LRRTM4: variants seen among roughly 807,000 people sequenced by gnomAD.
LRRTM4 encodes the protein leucine rich repeat transmembrane neuronal 4.
In LRRTM4, 25 loss-of-function variants were observed where a neutral mutation model predicts 47.6. The observed-to-expected ratio is 0.53, with a 90% CI of 0.38 to 0.73. LRRTM4 has a LOEUF of 0.73. Ranked by LOEUF, LRRTM4 falls within the 30% of genes least tolerant of loss-of-function variation. LRRTM4 has a pLI of 0.00. For missense variants in LRRTM4, 638 were observed against 713.4 expected (o/e 0.89, Z 1.20); for synonymous variants, 311 against 269.5 (o/e 1.15, Z -1.51).
chr2:77,047,604 T>C (rs1357520808), intron 3 of LRRTM4, among the ~76,000 whole-genome samples: 2 of 152,048 alleles, frequency 1.3e-5, no homozygotes, highest in Admixed American at 1.3e-4. Context: ...TGTGTGTGTT[T>C]CTGCTCCTAA....
chr2:76,776,607 T>G (rs1674008437), intron 3 of LRRTM4, among the ~76,000 whole-genome samples: 1 of 152,086 alleles, frequency 6.6e-6, no homozygotes, highest in South Asian at 2.1e-4. Flanking sequence ...ATAGGGTTGT[T>G]TGTTTTTTTC....
intron 3 of LRRTM4, among the ~76,000 whole-genome samples, chr2:77,233,770 T>C (rs13384027): frequency 0.26 from 30,385 of 115,596 alleles, 5,813 homozygotes; most frequent in African/African-American, 0.55. Flanking sequence ...TTCTGTTTGT[T>C]GCTGTTGTTG....
chr2:77,356,819 G>A lies in LRRTM4; in HGVS notation c.1551+161499C>T, dbSNP rs148394344. ...TTATCTCTCAAACTTTCAGCGTGTCGGTTTTCCTATATGCACACAAGGGTG... is the reference window on the plus strand; with the variant it reads ...TTATCTCTCAAACTTTCAGCGTGTCAGTTTTCCTATATGCACACAAGGGTG... On this transcript the variant is annotated intron_variant, in intron 3 of 3. Coordinates refer to ENST00000409884, the MANE Select transcript of LRRTM4 (RefSeq NM_001134745.3). Among the ~76,000 whole-genome samples the A allele has an allele frequency of 1.2e-3, 176 of 152,170 alleles. 1 individual carries two copies. Among genetic ancestry groups the A allele is most frequent in the African/African-American group, 4.0e-3 (167 of 41,504 alleles).
intron 3 of LRRTM4, among the ~76,000 whole-genome samples, chr2:76,939,092 T>C (rs960294957): frequency 1.3e-5 from 2 of 152,166 alleles, no homozygotes; most frequent in African/African-American, 2.4e-5. Context: ...ACAACTTTCT[T>C]ATTTACTAGA....
intron 3 of LRRTM4, among the ~76,000 whole-genome samples, chr2:77,203,248 C>T (rs1674027958): frequency 6.6e-6 from 1 of 151,968 alleles, no homozygotes; most frequent in Non-Finnish European, 1.5e-5. Flanking sequence ...AAACAGGTCT[C>T]CATTCTCAGA....
intron 3 of LRRTM4, among the ~76,000 whole-genome samples, chr2:77,171,377 A>G (rs887468243): frequency 1.3e-5 from 2 of 152,094 alleles, no homozygotes; most frequent in Non-Finnish European, 2.9e-5. Context: ...CCTGGGATCA[A>G]GCAATTCTCC....
chr2:76,801,877 G>C (rs1242231708), intron 3 of LRRTM4, among the ~76,000 whole-genome samples: 1 of 152,094 alleles, frequency 6.6e-6, no homozygotes, highest in African/African-American at 2.4e-5. Context: ...AACACCATAA[G>C]ATCATCTCAA....
At chr2:76,834,330 C>A (rs1401069938) in intron 3 of LRRTM4, among the ~76,000 whole-genome samples, 5 of 151,660 alleles carry the variant, frequency 3.3e-5, no homozygotes, top group Non-Finnish European at 7.4e-5. Flanking sequence ...GGATTATAGG[C>A]GTAAGCCACC....
chr2:77,500,976 T>C (rs1331032076), intron 3 of LRRTM4, among the ~76,000 whole-genome samples: 19 of 151,386 alleles, frequency 1.3e-4, no homozygotes, highest in Admixed American at 8.6e-4. Flanking sequence ...GAAGAAAATA[T>C]TCATTCATAA....
chr2:77,430,106 G>A (rs547617597), intron 3 of LRRTM4, among the ~76,000 whole-genome samples: 1 of 152,142 alleles, frequency 6.6e-6, no homozygotes, highest in Admixed American at 6.5e-5. Context: ...GCTAACTAGA[G>A]TTAATAATAA....
At chr2:77,113,412 G>A (rs1227929486) in intron 3 of LRRTM4, among the ~76,000 whole-genome samples, 4 of 152,144 alleles carry the variant, frequency 2.6e-5, no homozygotes, top group Admixed American at 6.6e-5. Context: ...ATTGAGCGGC[G>A]CATAGCGACG....
chr2:76,947,303 A>C (rs1342549950), intron 3 of LRRTM4, among the ~76,000 whole-genome samples: 1 of 151,840 alleles, frequency 6.6e-6, no homozygotes, highest in Non-Finnish European at 1.5e-5. Context: ...TATTAACACT[A>C]TCTTCATTTT....
At chr2:76,915,767 C>G (rs573470146) in intron 3 of LRRTM4, among the ~76,000 whole-genome samples, 1 of 151,892 alleles carries the variant, frequency 6.6e-6, no homozygotes, top group East Asian at 1.9e-4. Flanking sequence ...AATAAAGAAA[C>G]ATTTTGAGAA....
chr2:77,283,953 A>T (rs181987028), intron 3 of LRRTM4, among the ~76,000 whole-genome samples: 1 of 152,216 alleles, frequency 6.6e-6, no homozygotes, highest in African/African-American at 2.4e-5. Flanking sequence ...AAAACTGCAC[A>T]TGAAGCCCCT....
In LRRTM4 at chr2:77,250,380, G is replaced by GA. The variant is rs531277408; in HGVS notation, c.1551+267937dup. Among the ~76,000 whole-genome samples the GA allele has an allele frequency of 2.6e-5, 4 of 152,152 alleles. No individual in the cohort carries two copies. In the East Asian group the frequency reaches 5.8e-4, roughly 22 times the overall value. On this transcript the variant is annotated intron_variant, in intron 3 of 3. Transcript: ENST00000409884. Reference sequence around the variant, plus strand: ...ATATACTACTTAGGTGGAGGATGTTGAAAAAAGGGGAACATATGCATAGAT... The same window carrying GA: ...ATATACTACTTAGGTGGAGGATGTTGAAAAAAAGGGGAACATATGCATAGAT...
chr2:77,027,259 A>C (rs549182431), intron 3 of LRRTM4, among the ~76,000 whole-genome samples: 1 of 152,284 alleles, frequency 6.6e-6, no homozygotes, highest in South Asian at 2.1e-4. Context: ...TCAATTTTTA[A>C]TGGGGAAATA....
chr2:77,363,099 T>C (rs1458719845), intron 3 of LRRTM4, among the ~76,000 whole-genome samples: 1 of 152,188 alleles, frequency 6.6e-6, no homozygotes, highest in East Asian at 1.9e-4. Context: ...AGGTGAGGAT[T>C]GGAAGCCAGG....
At chr2:77,312,786 A>G (rs1392728070) in intron 3 of LRRTM4, among the ~76,000 whole-genome samples, 5 of 152,204 alleles carry the variant, frequency 3.3e-5, no homozygotes, top group Non-Finnish European at 5.9e-5. Context: ...ACCCACTGAA[A>G]TAAGTCTAAT....
chr2:77,239,811 T>G (rs1675207648), intron 3 of LRRTM4, among the ~76,000 whole-genome samples: 1 of 151,820 alleles, frequency 6.6e-6, no homozygotes. Context: ...ACAAATTTGG[T>G]TGAGGTCTTC....
Sources: gnomAD v4.1 joint callset for allele counts (sites outside exome capture counted in the v4.1 genomes callset) on GRCh38, gnomAD v4.1.1 for gene constraint, MANE v1.5 for transcripts, NCBI Gene and HGNC (gene_info 2026-07-23, HGNC 2026-07-21) for gene names.